Variants in ARGFX observed in about 807,000 individuals in gnomAD.
The protein encoded by ARGFX is arginine-fifty homeobox.
In ARGFX, 10 loss-of-function variants were observed where a neutral mutation model predicts 8.0. The observed-to-expected ratio is 1.25, with a 90% CI of 0.77 to 2.12. The LOEUF (loss-of-function observed/expected upper bound fraction) is 2.12, where lower values mean the gene tolerates loss of function less well. Among genes scored for constraint, ARGFX ranks in the 30% most tolerant of loss-of-function variants. The pLI, the probability that ARGFX is intolerant of heterozygous loss-of-function variation, is 0.00. For missense variants in ARGFX, 282 were observed against 324.3 expected (o/e 0.87, Z 1.00); for synonymous variants, 116 against 117.8 (o/e 0.98, Z 0.10).
intron 3 of ARGFX, among the ~76,000 whole-genome samples, chr3:121,577,662 G>A (rs761961941): frequency 1.3e-5 from 2 of 152,124 alleles, no homozygotes; most frequent in Non-Finnish European, 2.9e-5. Context: ...GAGGTATGTT[G>A]TGCATACAAT....
At chr3:121,582,414 G>T (rs2048785059) in intron 3 of ARGFX, among the ~76,000 whole-genome samples, 1 of 152,006 alleles carries the variant, frequency 6.6e-6, no homozygotes, top group South Asian at 2.1e-4. Flanking sequence ...AATACAGTTT[G>T]AGTAGAATAA....
At chr3:121,579,319 T>C (rs918009117) in intron 3 of ARGFX, among the ~76,000 whole-genome samples, 8 of 152,232 alleles carry the variant, frequency 5.3e-5, no homozygotes, top group African/African-American at 1.9e-4. Flanking sequence ...TTCCAGGCTT[T>C]TTATTTTTCC....
intron 3 of ARGFX, among the ~76,000 whole-genome samples, chr3:121,579,505 A>G (rs2048764596): frequency 6.6e-6 from 1 of 152,162 alleles, no homozygotes; most frequent in Non-Finnish European, 1.5e-5. Flanking sequence ...CGTGTCCTTG[A>G]TACCACAGGA....
rs2048822929 is a variant in ARGFX, at chr3:121,588,041, T to C, written c.*1441T>C. Among the ~76,000 whole-genome samples, 1 of 151,902 alleles carries C rather than the reference T, an allele frequency of 6.6e-6. No homozygotes were observed. Among genetic ancestry groups the C allele is most frequent in the African/African-American group, 2.4e-5 (1 of 41,384 alleles). ...TATCACAGGAAGAAATAAAAACAGATTTTTGAAGGTGAGATGATAAACTTG... is the reference window on the plus strand; with the variant it reads ...TATCACAGGAAGAAATAAAAACAGACTTTTGAAGGTGAGATGATAAACTTG... On this transcript the variant is annotated 3_prime_UTR_variant, in exon 5 of 5. Transcript: ENST00000334384.
intron 2 of ARGFX, among the ~76,000 whole-genome samples, chr3:121,571,460 A>T (rs2048707646): frequency 2.0e-5 from 3 of 152,070 alleles, no homozygotes; most frequent in Non-Finnish European, 1.5e-5. Context: ...TTAACTAAGG[A>T]TGTGAAAGAC....
intron 1 of ARGFX, among the ~76,000 whole-genome samples, chr3:121,569,256 A>G (rs2048692753): frequency 6.6e-6 from 1 of 152,230 alleles, no homozygotes; most frequent in South Asian, 2.1e-4. Flanking sequence ...TGATGCTAGA[A>G]AAAGGAGTAT....
chr3:121,568,809 T>C (rs755096845), intron 1 of ARGFX, among the ~76,000 whole-genome samples: 3 of 152,254 alleles, frequency 2.0e-5, no homozygotes, highest in Non-Finnish European at 4.4e-5. Flanking sequence ...ATTTATTTAC[T>C]CTTAGGATTG....
intron 3 of ARGFX, among the ~76,000 whole-genome samples, chr3:121,584,242 G>GGAAGGAAA (rs2048797711): frequency 6.7e-6 from 1 of 148,784 alleles, no homozygotes; most frequent in Admixed American, 6.8e-5. Flanking sequence ...AAGGAAGGAA[G>GGAAGGAAA]GAAGGAAGGA....
rs9813391 is a variant in ARGFX at position 121,586,086 on chromosome 3, G to A, written c.434G>A (p.Arg145Gln). 409,998 of 1,601,816 alleles carry A rather than the reference G, an allele frequency of 0.26. 57,049 individuals are homozygous for A. Among genetic ancestry groups the A allele is most frequent in the Admixed American group, 0.48 (27,450 of 56,750 alleles). ...CAGCAGCAGCAATCAGCAAAGCAACGAAACCAGATCCTTCCATCCAAGAAG... is the reference window on the plus strand; with the variant it reads ...CAGCAGCAGCAATCAGCAAAGCAACAAAACCAGATCCTTCCATCCAAGAAG... ...KQQQQQSAKQ[R>Q]NQILPSKKNV... The change falls in exon 5 of 5, where the codon CGA (arginine) becomes CAA (glutamine). Residue 145 changes from arginine (R) to glutamine (Q), a missense_variant. Arg to Gln is a conservative substitution (Grantham distance 43, BLOSUM62 1). Transcript: ENST00000334384.
At position 121,586,180 on chromosome 3, in the gene ARGFX, C is replaced by T. The variant is rs1163572912; in HGVS notation, c.528C>T (p.Tyr176=). ...YAFSPVISDF[Y]SSLPSQPLDP... ...TTTCTCCTGTGATTTCAGATTTCTA[C>T]AGCTCCCTTCCATCTCAGCCCTTAG... is the stretch of plus-strand genomic sequence containing the variant. The change falls in exon 5 of 5, where the codon TAC becomes TAT. Residue 176 remains tyrosine, a synonymous_variant. Transcript: ENST00000334384. The T allele has an allele frequency of 1.2e-6, 2 of 1,614,034 alleles. No individual in the cohort carries two copies. Among genetic ancestry groups the T allele is most frequent in the East Asian group, 2.2e-5 (1 of 44,878 alleles).
At chr3:121,575,445 A>C (rs547156634) in intron 2 of ARGFX, among the ~76,000 whole-genome samples, 1 of 152,358 alleles carries the variant, frequency 6.6e-6, no homozygotes, top group South Asian at 2.1e-4. Flanking sequence ...TATGTTGCAG[A>C]ATATGAGCTC....
Position 121,584,902 on chromosome 3 carries a change from A to G in ARGFX, c.221-15A>G, listed in dbSNP as rs1330775291. On this transcript the variant is annotated splice_polypyrimidine_tract_variant and intron_variant, in intron 3 of 4. Transcript: ENST00000334384. ...ATGTAAATGTAACCACCCCTTCTTT[A>G]TCTCTGCCCTGAAGCAATACGGAGA... 5.6e-6 allele frequency: 9 copies of G among 1,602,006 alleles called. No individual in the cohort carries two copies. The South Asian group carries it at 6.8e-5, about 12-fold the overall frequency.
chr3:121,570,938 A>C, intron 2 of ARGFX, 122 bp downstream of exon 2: 1 of 633,504 alleles, frequency 1.6e-6, no homozygotes, highest in Non-Finnish European at 2.5e-6. Flanking sequence ...TCTATTCAAA[A>C]AGTCTTCCCA....
In ARGFX at chr3:121,587,082, G is replaced by A. The variant is rs1003112315; in HGVS notation, c.*482G>A. On this transcript the variant is annotated 3_prime_UTR_variant, in exon 5 of 5. Transcript: ENST00000334384. ...TTTTTTTTTTTTGAGACTGAGTCTC[G>A]CACTGTCACCCAGGGTGGAGTGCAG... Among the ~76,000 whole-genome samples, 10 of 151,510 alleles carry A rather than the reference G, an allele frequency of 6.6e-5. No homozygotes were observed. The highest frequency in any genetic ancestry group is 2.1e-4 in the South Asian group (1 of 4,782).
chr3:121,568,768 T>A (rs1056164153), intron 1 of ARGFX, among the ~76,000 whole-genome samples: 1 of 152,242 alleles, frequency 6.6e-6, no homozygotes, highest in Non-Finnish European at 1.5e-5. Flanking sequence ...TCTGACGGTA[T>A]CCTAATGTTG....
rs2048832509 is a variant in ARGFX at position 121,589,341 on chromosome 3, AGGAAGG to A, written c.*2742_*2747del. 6.6e-6 allele frequency among the ~76,000 whole-genome samples: 1 copy of A among 152,230 alleles called. No individual in the cohort carries two copies. Among genetic ancestry groups the A allele is most frequent in the Admixed American group, 6.6e-5 (1 of 15,266 alleles). Reference sequence around the variant, plus strand: ...ATATTTTTTAAAAGTAGCTTTACATAGGAAGGAAGTGGCATAGTTTTATCAATATCT... The same window carrying A: ...ATATTTTTTAAAAGTAGCTTTACATAAAGTGGCATAGTTTTATCAATATCT... On this transcript the variant is annotated 3_prime_UTR_variant, in exon 5 of 5. Transcript: ENST00000334384.
rs2108839177 is a variant in ARGFX at position 121,584,969 on chromosome 3, G to A, written c.273G>A (p.Glu91=). The A allele has an allele frequency of 6.2e-7, 1 of 1,614,062 alleles. No individual in the cohort carries two copies. Among genetic ancestry groups the A allele is most frequent in the Non-Finnish European group, 8.5e-7 (1 of 1,179,974 alleles). The part of the protein sequence containing the change: ...ERTSFTHQQY[E]ELEALFSQTM... Reference sequence around the variant, plus strand: ...CTTCTTTCACCCACCAACAGTATGAGGAGCTAGAAGCTCTGTTTAGCCAGA... The same window carrying A: ...CTTCTTTCACCCACCAACAGTATGAAGAGCTAGAAGCTCTGTTTAGCCAGA... Residue 91 remains glutamate, a synonymous_variant, in exon 4 of 5, where the codon GAG becomes GAA. Transcript: ENST00000334384.
At position 121,587,269 on chromosome 3, in the gene ARGFX, C is replaced by T. The variant is rs2048818107; in HGVS notation, c.*669C>T. The stretch of plus-strand genomic sequence containing the variant: ...GTTTCACCACGTTGCCCAGGCTGGT[C>T]TTGAACTCCTGACCTCCAGTGATCC... On this transcript the variant is annotated 3_prime_UTR_variant, in exon 5 of 5. Coordinates refer to ENST00000334384, the MANE Select transcript of ARGFX (RefSeq NM_001012659.2). Among the ~76,000 whole-genome samples, 1 of 151,960 alleles carries T rather than the reference C, an allele frequency of 6.6e-6. No homozygotes were observed. Among genetic ancestry groups the T allele is most frequent in the Admixed American group, 6.6e-5 (1 of 15,256 alleles).
chr3:121,574,808 AC>A (rs1221323718), intron 2 of ARGFX, among the ~76,000 whole-genome samples: 1 of 152,218 alleles, frequency 6.6e-6, no homozygotes, highest in Non-Finnish European at 1.5e-5. Context: ...GTTATTTCTT[AC>A]ATCTCACACA....
Sources: gnomAD v4.1 joint callset for allele counts (sites outside exome capture counted in the v4.1 genomes callset) on GRCh38, gnomAD v4.1.1 for gene constraint, MANE v1.5 for transcripts, NCBI Gene and HGNC (gene_info 2026-07-23, HGNC 2026-07-21) for gene names.